ATG4C: variants seen among roughly 807,000 people sequenced by gnomAD.
ATG4C encodes cysteine protease ATG4C.
ATG4C carries 56 observed loss-of-function variants against 57.6 expected under a neutral mutation model. That is an observed-to-expected ratio of 0.97 (90% CI 0.78 to 1.21). The LOEUF (loss-of-function observed/expected upper bound fraction) is 1.21. ATG4C is among the 50% of genes most tolerant of loss of function. The probability of loss-of-function intolerance (pLI) is 0.00; values close to 1 mark genes in which losing one functional copy is unlikely to be tolerated. For missense variants in ATG4C, 595 were observed against 529.8 expected (o/e 1.12, Z -1.21); for synonymous variants, 157 against 174.1 (o/e 0.90, Z 0.78).
intron 7 of ATG4C, among the ~76,000 whole-genome samples, chr1:62,831,359 G>A (rs1665831877): frequency 1.3e-5 from 2 of 152,094 alleles, no homozygotes; most frequent in African/African-American, 2.4e-5. Flanking sequence ...TGTATGGTCA[G>A]CCGTTGTATT....
chr1:62,859,032 T>C (rs556374532), intron 10 of ATG4C, among the ~76,000 whole-genome samples: 14 of 152,300 alleles, frequency 9.2e-5, no homozygotes, highest in Non-Finnish European at 1.6e-4. Flanking sequence ...TGAATGTACT[T>C]GCATAAACCT....
At chr1:62,797,182 G>T (rs1047238659) in intron 1 of ATG4C, among the ~76,000 whole-genome samples, 6 of 152,058 alleles carry the variant, frequency 3.9e-5, no homozygotes, top group African/African-American at 1.4e-4. Context: ...ACATGTGTGG[G>T]CATATGTATA....
chr1:62,858,144 G>A (rs1326981650), intron 10 of ATG4C, among the ~76,000 whole-genome samples: 1 of 152,130 alleles, frequency 6.6e-6, no homozygotes, highest in Non-Finnish European at 1.5e-5. Flanking sequence ...AAAACAGTTC[G>A]TATTATTTGA....
chr1:62,832,999 G>A (rs1665889313), intron 7 of ATG4C, among the ~76,000 whole-genome samples: 1 of 152,112 alleles, frequency 6.6e-6, no homozygotes, highest in African/African-American at 2.4e-5. Context: ...TGTTAAGAAG[G>A]TGTTCCCCCA....
chr1:62,828,553 CT>C (rs1360121283), intron 6 of ATG4C, among the ~76,000 whole-genome samples: 1 of 152,080 alleles, frequency 6.6e-6, no homozygotes, highest in African/African-American at 2.4e-5. Flanking sequence ...GGATATTAGA[CT>C]TTTGTCAGAT....
At chr1:62,835,004 G>T in intron 9 of ATG4C, 152 bp downstream of exon 9, 1 of 592,268 alleles carries the variant, frequency 1.7e-6, no homozygotes, top group African/African-American at 1.9e-5. Flanking sequence ...TTAACACAGT[G>T]GTCAAAGGTT....
At chr1:62,817,355 CT>C (rs1557971995) in intron 4 of ATG4C, among the ~76,000 whole-genome samples, 1 of 152,026 alleles carries the variant, frequency 6.6e-6, no homozygotes, top group Non-Finnish European at 1.5e-5. Context: ...AAATTAAAAA[CT>C]TTTTTTAGCA....
At chr1:62,840,661 C>T (rs935187268) in intron 9 of ATG4C, among the ~76,000 whole-genome samples, 6 of 152,110 alleles carry the variant, frequency 3.9e-5, no homozygotes, top group Non-Finnish European at 8.8e-5. Context: ...TTTGTATTCC[C>T]TAAAGATGCC....
intron 1 of ATG4C, among the ~76,000 whole-genome samples, chr1:62,803,196 G>A (rs1412654279): frequency 6.6e-6 from 1 of 152,058 alleles, no homozygotes; most frequent in Non-Finnish European, 1.5e-5. Flanking sequence ...GAGATAGGAA[G>A]GAAACATAGG....
At chr1:62,829,004 A>G (rs1665755175) in intron 6 of ATG4C, 36 bp from the exon 7 acceptor site, 3 of 1,546,488 alleles carry the variant, frequency 1.9e-6, no homozygotes, top group Admixed American at 2.0e-5. Flanking sequence ...TCGCTTTTAT[A>G]TAAAATTTAA....
At chr1:62,856,421 A>G (rs1666683909) in intron 10 of ATG4C, among the ~76,000 whole-genome samples, 1 of 152,220 alleles carries the variant, frequency 6.6e-6, no homozygotes, top group Admixed American at 6.5e-5. Context: ...TGATAGTTCA[A>G]TAATAATGAT....
At chr1:62,804,474 A>G (rs997156545) in intron 2 of ATG4C, among the ~76,000 whole-genome samples, 1 of 151,572 alleles carries the variant, frequency 6.6e-6, no homozygotes, top group Non-Finnish European at 1.5e-5. Context: ...TCTAAAACAT[A>G]TAGAATTTAT....
chr1:62,796,010 A>G (rs1664449923), intron 1 of ATG4C, among the ~76,000 whole-genome samples: 2 of 152,140 alleles, frequency 1.3e-5, no homozygotes, highest in South Asian at 4.1e-4. Context: ...ATATCAGTTA[A>G]TCACTGGGGC....
At chr1:62,807,994 G>A (rs992271887) in intron 3 of ATG4C, among the ~76,000 whole-genome samples, 11 of 152,202 alleles carry the variant, frequency 7.2e-5, no homozygotes, top group Non-Finnish European at 1.5e-4. Context: ...TAGGATTCCC[G>A]GTTGGTGTCT....
At chr1:62,812,879 G>A (rs762331316) in intron 3 of ATG4C, among the ~76,000 whole-genome samples, 4 of 151,960 alleles carry the variant, frequency 2.6e-5, no homozygotes, top group African/African-American at 9.7e-5. Context: ...CAATTGCCAC[G>A]AAGAGAATAA....
intron 1 of ATG4C, among the ~76,000 whole-genome samples, chr1:62,802,087 C>T (rs1003062374): frequency 6.6e-6 from 1 of 152,000 alleles, no homozygotes; most frequent in African/African-American, 2.4e-5. Context: ...TAACCTCTCC[C>T]TCTCCTGATG....
At chr1:62,822,181 G>A (rs1665503254) in intron 6 of ATG4C, among the ~76,000 whole-genome samples, 1 of 152,018 alleles carries the variant, frequency 6.6e-6, no homozygotes, top group Non-Finnish European at 1.5e-5. Flanking sequence ...CTTCAATCAT[G>A]TTTTAATACA....
intron 10 of ATG4C, among the ~76,000 whole-genome samples, chr1:62,851,853 G>T (rs1666528166): frequency 6.6e-6 from 1 of 152,202 alleles, no homozygotes; most frequent in Non-Finnish European, 1.5e-5. Flanking sequence ...TCTTACAATT[G>T]TTGGTGGATC....
chr1:62,827,914 G>A (rs1665717811), intron 6 of ATG4C, among the ~76,000 whole-genome samples: 1 of 152,070 alleles, frequency 6.6e-6, no homozygotes, highest in African/African-American at 2.4e-5. Context: ...GCAGTATTTG[G>A]TTTTCTGTTC....
Sources: allele counts gnomAD v4.1 joint callset (sites outside exome capture counted in the v4.1 genomes callset), GRCh38; gene constraint gnomAD v4.1.1; transcripts MANE v1.5; gene names NCBI Gene and HGNC (gene_info 2026-07-23, HGNC 2026-07-21).